Variants in CMIP observed in about 807,000 individuals in gnomAD.
CMIP encodes the protein c-Maf inducing protein, also known as C-Maf-inducing protein.
CMIP carries 13 observed loss-of-function variants against 97.3 expected under a neutral mutation model. The observed-to-expected ratio is 0.13, with a 90% CI of 0.09 to 0.21. The LOEUF is 0.21. CMIP is among the 10% of genes least tolerant of loss of function. The pLI is 1.00. For synonymous variants in CMIP, 538 were observed against 436.3 expected, an observed-to-expected ratio of 1.23 and a Z score of -2.91; for missense variants, 847 against 1,024.9, an observed-to-expected ratio of 0.83 and a Z score of 2.37.
intron 3 of CMIP, among the ~76,000 whole-genome samples, chr16:81,625,892 C>T (rs1349411677): frequency 2.0e-5 from 3 of 152,242 alleles, no homozygotes; most frequent in Admixed American, 2.0e-4. Flanking sequence ...TGAGGTCACT[C>T]AGAACAGCCC....
At chr16:81,462,223 T>G (rs1906938442) in intron 1 of CMIP, among the ~76,000 whole-genome samples, 1 of 152,210 alleles carries the variant, frequency 6.6e-6, no homozygotes, top group African/African-American at 2.4e-5. Flanking sequence ...GACAGACTAT[T>G]CCCTGCTGAA....
chr16:81,610,645 C>G (rs529780446), intron 2 of CMIP: 27 of 507,302 alleles, frequency 5.3e-5, no homozygotes, highest in Admixed American at 6.4e-5. Context: ...CCCTCTCATC[C>G]TCACCCCCAC....
intron 1 of CMIP, chr16:81,519,687 A>C (rs2089983175): frequency 6.6e-6 from 1 of 152,192 alleles, no homozygotes; most frequent in Non-Finnish European, 1.5e-5. Context: ...TATGACGATA[A>C]GACAGGATAA....
At chr16:81,702,929 G>A (rs1447072670) in intron 17 of CMIP, among the ~76,000 whole-genome samples, 1 of 152,148 alleles carries the variant, frequency 6.6e-6, no homozygotes, top group African/African-American at 2.4e-5. Flanking sequence ...ATAGTACTTG[G>A]AATAATAGCA....
chr16:81,528,188 AT>A (rs1256107592), intron 1 of CMIP, among the ~76,000 whole-genome samples: 2 of 152,200 alleles, frequency 1.3e-5, no homozygotes, highest in Non-Finnish European at 2.9e-5. Context: ...TTGGAGAAAA[AT>A]ATCCTTCACA....
At chr16:81,476,313 G>A (rs925337099) in intron 1 of CMIP, 14 of 1,539,480 alleles carry the variant, frequency 9.1e-6, no homozygotes, top group Non-Finnish European at 1.2e-5. Flanking sequence ...TGCCATTACG[G>A]CGTGTGAAGT....
intron 1 of CMIP, among the ~76,000 whole-genome samples, chr16:81,456,750 G>T (rs1384944668): frequency 3.3e-5 from 5 of 152,214 alleles, no homozygotes; most frequent in African/African-American, 9.7e-5. Context: ...GAGTTTTGGG[G>T]CTGCAAAGCA....
At chr16:81,501,477 G>A (rs1326137758) in intron 1 of CMIP, among the ~76,000 whole-genome samples, 3 of 152,072 alleles carry the variant, frequency 2.0e-5, no homozygotes, top group African/African-American at 7.2e-5. Flanking sequence ...ATTAAATAGC[G>A]TCATCTGCAG....
chr16:81,696,638 G>A lies in CMIP; in HGVS notation c.1609G>A (p.Asp537Asn), dbSNP rs767295610. 3 of 1,606,992 alleles carry A rather than the reference G, an allele frequency of 1.9e-6. No individual in the cohort carries two copies. Among genetic ancestry groups the A allele is most frequent in the Non-Finnish European group, 2.5e-6 (3 of 1,179,808 alleles). ...CTACAGCCCCGGAGGGGTGGCCTGC[G>A]ACGATGACGGGGAGCTGTTCGCCAG... ...QLYSPGGVAC[D>N]DDGELFASMV... Residue 537 changes from aspartate to asparagine, a missense_variant, in exon 14 of 21, where the codon GAC becomes AAC. Physicochemically the swap from Asp to Asn is conservative, Grantham distance 23 (BLOSUM62 1). Coordinates refer to ENST00000537098, the MANE Select transcript of CMIP (RefSeq NM_198390.3).
At chr16:81,446,761 C>T (rs1905871525) in intron 1 of CMIP, among the ~76,000 whole-genome samples, 2 of 152,230 alleles carry the variant, frequency 1.3e-5, no homozygotes, top group South Asian at 2.1e-4. Context: ...GTTCCCTTGG[C>T]GGTGTGTCAC....
chr16:81,635,523 A>T (rs192306497), intron 3 of CMIP, among the ~76,000 whole-genome samples: 11 of 152,222 alleles, frequency 7.2e-5, no homozygotes, highest in Admixed American at 6.5e-4. Context: ...AGATGCAGAC[A>T]TAAGTATTAT....
intron 3 of CMIP, among the ~76,000 whole-genome samples, chr16:81,640,456 G>A (rs1039463263): frequency 1.3e-5 from 2 of 152,170 alleles, no homozygotes; most frequent in Admixed American, 6.5e-5. Context: ...GGGACCAGGC[G>A]TCCTGGGGTC....
intron 2 of CMIP, among the ~76,000 whole-genome samples, chr16:81,609,763 A>C (rs1007652644): frequency 1.3e-5 from 2 of 152,168 alleles, no homozygotes; most frequent in African/African-American, 4.8e-5. Context: ...ATGTGTGTGC[A>C]AAGCCTGAAT....
chr16:81,525,418 C>T (rs1254283751), intron 1 of CMIP, among the ~76,000 whole-genome samples: 1 of 152,210 alleles, frequency 6.6e-6, no homozygotes, highest in Non-Finnish European at 1.5e-5. Flanking sequence ...GCTGGGATTA[C>T]AAGCATGAGC....
chr16:81,465,103 C>A (rs977423869), intron 1 of CMIP, among the ~76,000 whole-genome samples: 4 of 152,174 alleles, frequency 2.6e-5, no homozygotes, highest in Admixed American at 1.3e-4. Flanking sequence ...AAGATGTTCA[C>A]CCCCCTTACC....
At chr16:81,635,370 G>T (rs1366928225) in intron 3 of CMIP, among the ~76,000 whole-genome samples, 1 of 152,086 alleles carries the variant, frequency 6.6e-6, no homozygotes. Flanking sequence ...GGAAGGATTT[G>T]GTCGGCTTCA....
chr16:81,673,617 A>G (rs1453474103), intron 9 of CMIP, among the ~76,000 whole-genome samples: 1 of 152,220 alleles, frequency 6.6e-6, no homozygotes, highest in African/African-American at 2.4e-5. Flanking sequence ...TGCGTAACAC[A>G]CTGAGAGTTG....
chr16:81,647,714 AT>A (rs1316765013), intron 3 of CMIP, among the ~76,000 whole-genome samples: 1 of 151,998 alleles, frequency 6.6e-6, no homozygotes. Flanking sequence ...CAGCTCCACC[AT>A]GATTCATCAC....
At chr16:81,548,051 G>T (rs1371680711) in intron 1 of CMIP, among the ~76,000 whole-genome samples, 1 of 151,992 alleles carries the variant, frequency 6.6e-6, no homozygotes, top group Non-Finnish European at 1.5e-5. Context: ...TTTATCTAGG[G>T]CTTACCTTGA....
Sources: gnomAD v4.1 joint callset for allele counts (sites outside exome capture counted in the v4.1 genomes callset) on GRCh38, gnomAD v4.1.1 for gene constraint, MANE v1.5 for transcripts, NCBI Gene and HGNC (gene_info 2026-07-23, HGNC 2026-07-21) for gene names.